The following RPS6KA5 variants were observed in gnomAD, a reference collection of about 807,000 sequenced individuals.
RPS6KA5 encodes the protein ribosomal protein S6 kinase A5.
A neutral mutation model predicts 85.5 loss-of-function variants in RPS6KA5; 27 were observed. The observed-to-expected ratio is 0.32, with a 90% CI of 0.23 to 0.44. The LOEUF (loss-of-function observed/expected upper bound fraction) is 0.44. Ranked by LOEUF, RPS6KA5 falls within the 20% of genes least tolerant of loss-of-function variation. The pLI is 1.00. For missense variants in RPS6KA5, 811 were observed against 980.9 expected, an observed-to-expected ratio of 0.83 and a Z score of 2.31; for synonymous variants, 334 against 348.2, an observed-to-expected ratio of 0.96 and a Z score of 0.46.
chr14:90,925,551 G>C (rs1171550612), intron 5 of RPS6KA5, among the ~76,000 whole-genome samples: 1 of 152,082 alleles, frequency 6.6e-6, no homozygotes, highest in Non-Finnish European at 1.5e-5. Flanking sequence ...ACACATGATA[G>C]AACCAGAGAT....
chr14:90,925,132 C>G (rs1418598887), intron 5 of RPS6KA5, among the ~76,000 whole-genome samples: 1 of 152,130 alleles, frequency 6.6e-6, no homozygotes, highest in Non-Finnish European at 1.5e-5. Flanking sequence ...TGGGTGCCAG[C>G]CAGGAAGTGA....
intron 1 of RPS6KA5, among the ~76,000 whole-genome samples, chr14:91,048,404 AT>A (rs1317782222): frequency 5.9e-5 from 9 of 152,210 alleles, no homozygotes; most frequent in Admixed American, 4.6e-4. Context: ...GTGAAATAAA[AT>A]AACTGCAATA....
At chr14:90,955,045 G>A (rs1219163158) in intron 3 of RPS6KA5, among the ~76,000 whole-genome samples, 1 of 151,808 alleles carries the variant, frequency 6.6e-6, no homozygotes, top group Non-Finnish European at 1.5e-5. Flanking sequence ...ATAATCTTTT[G>A]GTTTCATTGA....
At chr14:90,972,066 T>G (rs1286204563) in intron 3 of RPS6KA5, among the ~76,000 whole-genome samples, 1 of 152,204 alleles carries the variant, frequency 6.6e-6, no homozygotes, top group African/African-American at 2.4e-5. Flanking sequence ...GAAACATGGC[T>G]AGGAAGTAAA....
In RPS6KA5 at chr14:90,974,206, T is replaced by C. The variant is rs143798820; in HGVS notation, c.394+4100A>G. On this transcript the variant is annotated intron_variant, in intron 3 of 16. Transcript: ENST00000614987. ...ATAATAGGTTTCTCCTAACGTGATA[T>C]AACATGAAATACATAACATCATTTA... Among the ~76,000 whole-genome samples, 427 of 152,270 alleles carry C rather than the reference T, an allele frequency of 2.8e-3. 4 individuals carry two copies. Among genetic ancestry groups the C allele is most frequent in the Middle Eastern group, 6.8e-3 (2 of 294 alleles).
At chr14:90,904,482 G>T (rs2035391359) in intron 8 of RPS6KA5, among the ~76,000 whole-genome samples, 1 of 152,148 alleles carries the variant, frequency 6.6e-6, no homozygotes, top group South Asian at 2.1e-4. Flanking sequence ...CCAGTTGGTG[G>T]AAGAGTCAGG....
At chr14:91,038,670 G>T (rs1285809022) in intron 1 of RPS6KA5, among the ~76,000 whole-genome samples, 2 of 152,192 alleles carry the variant, frequency 1.3e-5, no homozygotes, top group African/African-American at 4.8e-5. Flanking sequence ...ATCATGTGTG[G>T]GAGTTACAAC....
intron 14 of RPS6KA5, among the ~76,000 whole-genome samples, 190 bp downstream of exon 14, chr14:90,890,297 T>G (rs1177461259): frequency 3.3e-5 from 5 of 152,200 alleles, no homozygotes; most frequent in Non-Finnish European, 7.3e-5. Flanking sequence ...AAATAGAAAT[T>G]CTTACATTTT....
intron 1 of RPS6KA5, among the ~76,000 whole-genome samples, chr14:91,054,552 G>C (rs1472750716): frequency 6.6e-6 from 1 of 151,400 alleles, no homozygotes; most frequent in African/African-American, 2.4e-5. Context: ...CATGAGAATT[G>C]CTGGAACCCA....
In RPS6KA5 at chr14:90,868,262, T is replaced by C. The variant is rs1412262359; in HGVS notation, c.*3812A>G. 1 of 152,170 alleles carries C rather than the reference T, an allele frequency of 6.6e-6. No homozygotes were observed. The highest frequency in any genetic ancestry group is 1.5e-5 in the Non-Finnish European group (1 of 68,020). 9.4% of individuals were successfully genotyped at this position (152,170 alleles called of 1,614,324 possible). On this transcript the variant is annotated 3_prime_UTR_variant, in exon 17 of 17. Coordinates refer to ENST00000614987, the MANE Select transcript of RPS6KA5 (RefSeq NM_004755.4). ...TTTTTCCCATTCTTGAGTTTTACAA[T>C]GTCTCCTATCCAAACTTCAAATTTC... is the stretch of plus-strand genomic sequence containing the variant.
rs199973334 is a variant in RPS6KA5 at position 91,028,237 on chromosome 14, AT to A, written c.104-27079del. The stretch of plus-strand genomic sequence containing the variant: ...CACCCTTACAAAGAAAATTTACATG[AT>A]TTTTTTTTTTAGACAGAGTCTTGCA... On this transcript the variant is annotated intron_variant, in intron 1 of 16. Transcript: ENST00000614987. Among the ~76,000 whole-genome samples the A allele has an allele frequency of 4.1e-3, 612 of 148,094 alleles. 5 individuals carry two copies. The highest frequency in any genetic ancestry group is 0.013 in the African/African-American group (541 of 40,634).
Position 90,853,988 on chromosome 14 carries a change from G to T in RPS6KA5, c.*18086C>A, listed in dbSNP as rs1253924188. On this transcript the variant is annotated 3_prime_UTR_variant, in exon 17 of 17. Coordinates refer to ENST00000614987, the MANE Select transcript of RPS6KA5 (RefSeq NM_004755.4). ...CAGATAGTCGATTTAAGGAGTGAGG[G>T]GCAGTCTTATTAATTTGGTATTGTA... The T allele has an allele frequency of 6.6e-6, 1 of 152,092 alleles. No homozygotes were observed. The highest frequency in any genetic ancestry group is 1.5e-5 in the Non-Finnish European group (1 of 68,012). 9.4% of individuals were successfully genotyped at this position (152,092 alleles called of 1,614,324 possible).
Position 90,852,906 on chromosome 14 carries a change from T to C in RPS6KA5, c.*19168A>G, listed in dbSNP as rs984336651. 1.3e-5 allele frequency: 2 copies of C among 152,196 alleles called. No individual in the cohort carries two copies. Among genetic ancestry groups the C allele is most frequent in the Admixed American group, 1.3e-4 (2 of 15,258 alleles). The allele number at this position is 152,196 out of a possible 1,614,324, so 9.4% of individuals were successfully genotyped here. A position where few individuals can be genotyped will look rare whatever the true frequency, so the allele number is the denominator to read the frequency against. On this transcript the variant is annotated 3_prime_UTR_variant, in exon 17 of 17. Transcript: ENST00000614987. ...CACCACGCCCGGCTAATTTTTGTTG[T>C]ATTTTTAGTAGAGACAGGGTTTCAC...
At chr14:91,031,402 G>T (rs1375626979) in intron 1 of RPS6KA5, among the ~76,000 whole-genome samples, 3 of 152,104 alleles carry the variant, frequency 2.0e-5, no homozygotes, top group African/African-American at 7.2e-5. Flanking sequence ...TAAAAAAGAG[G>T]ACAGCCATTG....
intron 9 of RPS6KA5, 30 bp downstream of exon 9, chr14:90,902,778 A>T: frequency 8.2e-6 from 13 of 1,593,438 alleles, no homozygotes; most frequent in Non-Finnish European, 1.0e-5. Flanking sequence ...ACATATGGCC[A>T]ATGTGCATGT....
At chr14:90,999,699 C>T (rs1483177122) in intron 2 of RPS6KA5, among the ~76,000 whole-genome samples, 2 of 152,130 alleles carry the variant, frequency 1.3e-5, no homozygotes, top group Non-Finnish European at 2.9e-5. Flanking sequence ...AATGAAAATG[C>T]GGGTGCCTTG....
At chr14:90,967,765 G>GA (rs2039140665) in intron 3 of RPS6KA5, among the ~76,000 whole-genome samples, 2 of 152,134 alleles carry the variant, frequency 1.3e-5, no homozygotes, top group Non-Finnish European at 2.9e-5. Context: ...GAAGCACTCT[G>GA]ATACTGTGTC....
chr14:90,920,279 T>C lies in RPS6KA5; in HGVS notation c.733A>G (p.Met245Val). Residue 245 changes from methionine to valine, a missense_variant, in exon 7 of 17, where the codon ATG (methionine) becomes GTG (valine). By Grantham distance (21) the Met-to-Val change is conservative (BLOSUM62 1). Around this residue, in one of 3 missense-constraint regions of RPS6KA5, gnomAD observed 650 missense variants for 793.4 expected, o/e 0.82. Transcript: ENST00000614987. ...AVDWWSLGVL[M>V]YELLTGASPF... ...GATGCTCCAGTTAGTAATTCATACA[T>C]TAGAACACCCAAACTCCACCAGTCA... 5.0e-6 allele frequency: 8 copies of C among 1,612,176 alleles called. No individual in the cohort carries two copies. The highest frequency in any genetic ancestry group is 6.8e-6 in the Non-Finnish European group (8 of 1,178,682).
rs2039656332 is a variant in RPS6KA5, at chr14:90,978,426, C to T, written c.274G>A (p.Ala92Thr). The T allele has an allele frequency of 5.0e-6, 8 of 1,613,906 alleles. No homozygotes were observed. Among genetic ancestry groups the T allele is most frequent in the Non-Finnish European group, 6.8e-6 (8 of 1,179,878 alleles). Residue 92 changes from alanine to threonine, a missense_variant, in exon 3 of 17, where the codon GCC becomes ACC. This residue lies in a region of RPS6KA5 where 48 missense variants were observed against 87.6 expected (regional missense o/e 0.55). Coordinates refer to ENST00000614987, the MANE Select transcript of RPS6KA5 (RefSeq NM_004755.4). The stretch of plus-strand genomic sequence containing the variant: ...GTCCTTGTATGCTCTGTGGTTTTGG[C>T]CTTTTGAACGATTGTTGCCTTTTTC... ...VLKKATIVQK[A>T]KTTEHTRTER... is the part of the protein sequence containing the mutation.
Sources: allele counts gnomAD v4.1 joint callset (sites outside exome capture counted in the v4.1 genomes callset), GRCh38; gene constraint gnomAD v4.1.1; regional missense constraint gnomAD v4.1.1; transcripts MANE v1.5; gene names NCBI Gene and HGNC (gene_info 2026-07-23, HGNC 2026-07-21).